Variants in NUCB2 observed in about 807,000 individuals in gnomAD.
The protein encoded by NUCB2 is nucleobindin 2, also known as nucleobindin-2.
A neutral mutation model predicts 57.9 loss-of-function variants in NUCB2; 48 were observed. The ratio of observed to expected loss-of-function variants is 0.83; its 90% CI spans 0.66 to 1.05. The LOEUF (loss-of-function observed/expected upper bound fraction) is 1.05. NUCB2 is among the 50% of genes least tolerant of loss of function. The pLI is 0.00. For synonymous variants in NUCB2, 139 were observed against 152.1 expected, an observed-to-expected ratio of 0.91 and a Z score of 0.64; for missense variants, 442 against 476.2, an observed-to-expected ratio of 0.93 and a Z score of 0.67.
intron 10 of NUCB2, among the ~76,000 whole-genome samples, chr11:17,312,997 C>T (rs567834220): frequency 2.8e-4 from 42 of 150,334 alleles, no homozygotes; most frequent in African/African-American, 8.2e-4. Flanking sequence ...AGGCATGAGC[C>T]GCCGCACCAG....
chr11:17,315,437 A>G lies in NUCB2; in HGVS notation c.964A>G (p.Thr322Ala), dbSNP rs1453994137. 5.0e-6 allele frequency: 8 copies of G among 1,612,314 alleles called. No homozygotes were observed. The Admixed American group carries it at 1.3e-4, about 27-fold the overall frequency. ...GACTCTGGAGGAGTTTTTGAAAGCC[A>G]CAGAAAAAAAAGAATTCTTGGAGCC... ...LVTLEEFLKA[T>A]EKKEFLEPDS... The change falls in exon 11 of 14, where the codon ACA becomes GCA. Residue 322 changes from threonine to alanine, a missense_variant. Physicochemically the swap from Thr to Ala is moderately conservative, Grantham distance 58. Transcript: ENST00000529010.
chr11:17,330,200 A>G lies in NUCB2; in HGVS notation c.1076A>G (p.Asn359Ser). The G allele has an allele frequency of 6.2e-7, 1 of 1,605,134 alleles. No individual in the cohort carries two copies. Among genetic ancestry groups the G allele is most frequent in the Non-Finnish European group, 8.5e-7 (1 of 1,172,978 alleles). The stretch of plus-strand genomic sequence containing the variant: ...GAAAATATTATTGCTTTACAAGAAA[A>G]TGAACTTAAGAAGAAGGCAGATGAG... ...EYENIIALQENELKKKADELQ... is the reference protein window; with the variant it reads ...EYENIIALQESELKKKADELQ... The change falls in exon 12 of 14, where the codon AAT becomes AGT. Residue 359 changes from asparagine to serine, a missense_variant. By Grantham distance (46) the Asn-to-Ser change is conservative (BLOSUM62 1). Transcript: ENST00000529010. The surrounding 1 kb of genome is among the most constrained non-coding windows in gnomAD (Gnocchi z 4.3).
At chr11:17,342,698 T>A (rs1321012925) in intron 2 of NUCB2, among the ~76,000 whole-genome samples, 3 of 149,858 alleles carry the variant, frequency 2.0e-5, no homozygotes, top group African/African-American at 7.4e-5. Context: ...TAATTTCTGT[T>A]CTTTTACATT....
intron 4 of NUCB2, 116 bp downstream of exon 4, chr11:17,296,327 C>T (rs957785442): frequency 4.1e-6 from 2 of 488,390 alleles, no homozygotes; most frequent in East Asian, 3.4e-5. Flanking sequence ...TAGTGATCCT[C>T]CCACCTCAGT....
At chr11:17,313,190 A>C (rs1391092910) in intron 10 of NUCB2, among the ~76,000 whole-genome samples, 1 of 152,010 alleles carries the variant, frequency 6.6e-6, no homozygotes, top group Non-Finnish European at 1.5e-5. Context: ...TAACTACTTT[A>C]AAATATTCTA....
chr11:17,318,266 C>T (rs1354211234), intron 11 of NUCB2, among the ~76,000 whole-genome samples: 1 of 151,814 alleles, frequency 6.6e-6, no homozygotes, highest in Non-Finnish European at 1.5e-5. Context: ...ATCTGCCTGC[C>T]TTGGCCTCCC....
intron 2 of NUCB2, among the ~76,000 whole-genome samples, chr11:17,340,930 A>G (rs1262672269): frequency 2.6e-5 from 4 of 152,116 alleles, no homozygotes; most frequent in African/African-American, 9.7e-5. Context: ...CCATTTTCAC[A>G]ATATTGATTC....
chr11:17,332,748 T>G (rs777767573), downstream of NUCB2: 4 of 152,120 alleles, frequency 2.6e-5, no homozygotes, highest in Non-Finnish European at 4.4e-5. Context: ...GGTCTTACTC[T>G]GTTGTCCAGT....
rs186535891 is a variant in NUCB2, at chr11:17,319,910, C to T, written c.1002+4435C>T. On this transcript the variant is annotated intron_variant, in intron 11 of 13. Coordinates refer to ENST00000529010, the MANE Select transcript of NUCB2 (RefSeq NM_005013.4). ...CTCCTGCCCTCTATCCTCCTATAGG[C>T]CCCAGTGTGTGTTGTTCCTCACTAT... Among the ~76,000 whole-genome samples the T allele has an allele frequency of 1.1e-3, 171 of 152,264 alleles. 1 individual carries two copies. The highest frequency in any genetic ancestry group is 0.01 in the Middle Eastern group (3 of 294).
At chr11:17,329,739 C>T (rs10832764) in intron 11 of NUCB2, among the ~76,000 whole-genome samples, 35,842 of 152,146 alleles carry the variant, frequency 0.24, 4,960 homozygotes, top group East Asian at 0.51. Flanking sequence ...AAGTTGAAAC[C>T]AGGTACTGTG....
At chr11:17,302,422 G>C (rs1252086396) in intron 5 of NUCB2, among the ~76,000 whole-genome samples, 1 of 151,992 alleles carries the variant, frequency 6.6e-6, no homozygotes, top group Non-Finnish European at 1.5e-5. Flanking sequence ...CTGGTTTAAA[G>C]AAGGAAAAAT....
At chr11:17,321,122 T>G (rs1949964388) in intron 11 of NUCB2, among the ~76,000 whole-genome samples, 1 of 152,162 alleles carries the variant, frequency 6.6e-6, no homozygotes, top group Admixed American at 6.5e-5. Flanking sequence ...ACTCTTTTAG[T>G]TATTTTCAAA....
intron 4 of NUCB2, among the ~76,000 whole-genome samples, chr11:17,299,262 CT>C (rs1219811234): frequency 2.6e-5 from 4 of 152,026 alleles, no homozygotes; most frequent in Non-Finnish European, 5.9e-5. Context: ...TGTTTCCTAC[CT>C]TCGGGGTGTC....
intron 2 of NUCB2, among the ~76,000 whole-genome samples, chr11:17,348,319 G>GGTTTTTTTTTTTTTTTTT (rs1952917777): frequency 3.6e-5 from 3 of 84,452 alleles, no homozygotes; most frequent in African/African-American, 1.0e-4. Context: ...TTGTTTTTGT[G>GGTTTTTTTTTTTTTTTTT]TTTTTTTTTT....
chr11:17,312,061 G>A lies in NUCB2; in HGVS notation c.853G>A (p.Asp285Asn), dbSNP rs753563339. The A allele has an allele frequency of 6.3e-7, 1 of 1,591,574 alleles. No individual in the cohort carries two copies. Among genetic ancestry groups the A allele is most frequent in the Admixed American group, 1.8e-5 (1 of 55,792 alleles). Residue 285 changes from aspartate (D) to asparagine (N), a missense_variant, in exon 10 of 14, where the codon GAT becomes AAT. By Grantham distance (23) the Asp-to-Asn change is conservative (BLOSUM62 1). Transcript: ENST00000529010. Reference protein sequence around the residue: ...EKVYDPKNEEDDMVEMEEERL... With the variant: ...EKVYDPKNEENDMVEMEEERL... ...AGTATATGACCCTAAAAATGAAGAG[G>A]ATGATATGGTAGAAATGGAAGAAGA... is the stretch of plus-strand genomic sequence containing the variant.
At chr11:17,328,757 G>T (rs1221245072) in intron 11 of NUCB2, among the ~76,000 whole-genome samples, 1 of 152,168 alleles carries the variant, frequency 6.6e-6, no homozygotes, top group African/African-American at 2.4e-5. Context: ...CCAAGGCCTG[G>T]ACTCAGGGAC....
chr11:17,278,811 A>C (rs1294991571), intron 1 of NUCB2, among the ~76,000 whole-genome samples: 1 of 152,170 alleles, frequency 6.6e-6, no homozygotes, highest in South Asian at 2.1e-4. Flanking sequence ...CTTTCTAAGG[A>C]CCCTTTTGAA....
At chr11:17,293,437 A>G (rs1273088002) in intron 2 of NUCB2, among the ~76,000 whole-genome samples, 1 of 152,176 alleles carries the variant, frequency 6.6e-6, no homozygotes, top group Non-Finnish European at 1.5e-5. Context: ...CCTCATTTAT[A>G]GGTGGTGAGA....
intron 11 of NUCB2, among the ~76,000 whole-genome samples, chr11:17,321,494 T>G (rs1253482118): frequency 1.3e-5 from 2 of 152,194 alleles, no homozygotes; most frequent in Non-Finnish European, 2.9e-5. Context: ...TCTTCATCCA[T>G]TCATCTGTTG....
Sources: gnomAD v4.1 joint callset for allele counts (sites outside exome capture counted in the v4.1 genomes callset) on GRCh38, gnomAD v4.1.1 for gene constraint, Gnocchi (gnomAD v3.1) non-coding constraint, MANE v1.5 for transcripts, NCBI Gene and HGNC (gene_info 2026-07-23, HGNC 2026-07-21) for gene names.